Variants in TMEM116 observed in about 807,000 individuals in gnomAD.
TMEM116 encodes transmembrane protein 116.
Under a neutral mutation model 44.3 loss-of-function variants are expected in TMEM116, and 38 were observed. That is an observed-to-expected ratio of 0.86 (90% CI 0.66 to 1.12). The LOEUF is 1.12. Ranked by LOEUF, TMEM116 falls within the 50% of genes most tolerant of loss-of-function variation. The pLI is 0.00. For missense variants in TMEM116, 354 were observed against 401.7 expected (o/e 0.88, Z 1.01); for synonymous variants, 132 against 144.8 (o/e 0.91, Z 0.64).
chr12:111,940,488 C>CAA, intron 5 of TMEM116, among the ~76,000 whole-genome samples: 1 of 124,396 alleles, frequency 8.0e-6, no homozygotes, highest in African/African-American at 3.2e-5. Context: ...CATACACACA[C>CAA]ACACACACAC....
chr12:112,003,567 C>CAA (rs374296039), intron 3 of TMEM116: 736 of 276,326 alleles, frequency 2.7e-3, no homozygotes, highest in Middle Eastern at 4.4e-3. Flanking sequence ...GACTCCGTCT[C>CAA]AAAAAAAAAA....
intron 4 of TMEM116, among the ~76,000 whole-genome samples, chr12:111,980,879 G>T (rs2075899076): frequency 6.6e-6 from 1 of 152,052 alleles, no homozygotes; most frequent in South Asian, 2.1e-4. Flanking sequence ...TTCGAGACCA[G>T]CCTGGGCAAC....
chr12:111,988,248 T>C (rs2076334644), intron 4 of TMEM116, among the ~76,000 whole-genome samples: 1 of 152,328 alleles, frequency 6.6e-6, no homozygotes, highest in Admixed American at 6.5e-5. Flanking sequence ...GGACTGTGGT[T>C]ATAGTTGTAT....
intron 3 of TMEM116, among the ~76,000 whole-genome samples, chr12:111,994,580 G>A (rs1399532948): frequency 6.6e-6 from 1 of 152,142 alleles, no homozygotes; most frequent in African/African-American, 2.4e-5. Flanking sequence ...GATCACATGG[G>A]GATGAAGTAA....
chr12:111,951,827 A>G (rs1355045771), intron 4 of TMEM116, among the ~76,000 whole-genome samples: 1 of 152,180 alleles, frequency 6.6e-6, no homozygotes, highest in African/African-American at 2.4e-5. Flanking sequence ...AGAGTTAAAA[A>G]AAAAGGAAAA....
chr12:112,003,801 T>C lies in TMEM116; in HGVS notation c.77A>G (p.Glu26Gly). The C allele has an allele frequency of 6.6e-7, 1 of 1,512,632 alleles. No individual in the cohort carries two copies. The highest frequency in any genetic ancestry group is 8.8e-7 in the Non-Finnish European group (1 of 1,140,050). The allele number at this position is 1,512,632 out of a possible 1,614,324, so 93.7% of individuals were successfully genotyped here. A position where few individuals can be genotyped will look rare whatever the true frequency, so the allele number is the denominator to read the frequency against. Residue 26 changes from glutamate to glycine, a missense_variant and splice_region_variant, in exon 3 of 11, where the codon GAG becomes GGG. Glu to Gly is a moderately conservative substitution (Grantham distance 98, BLOSUM62 -2). Transcript: ENST00000552374. ...AVFHNIQKSP[E>G]IRPLFYLSFC... The stretch of plus-strand genomic sequence containing the variant: ...CCAACACAAAGAGAAATCACTCACC[T>C]CTGGAGATTTCTGTATATTATGGAA...
chr12:111,971,498 TAAAAA>T (rs79281964), intron 4 of TMEM116, among the ~76,000 whole-genome samples: 1 of 134,194 alleles, frequency 7.5e-6, no homozygotes, highest in African/African-American at 2.7e-5. Context: ...ACCAGTAACT[TAAAAA>T]AAAAAAAACT....
At chr12:111,976,796 T>A (rs924402322) in intron 4 of TMEM116, among the ~76,000 whole-genome samples, 5 of 151,938 alleles carry the variant, frequency 3.3e-5, no homozygotes, top group Non-Finnish European at 7.4e-5. Flanking sequence ...AAAGGAAACA[T>A]TAAACGTCAA....
At chr12:112,004,568 T>C (rs1448651208) in intron 2 of TMEM116, among the ~76,000 whole-genome samples, 2 of 152,182 alleles carry the variant, frequency 1.3e-5, no homozygotes, top group Non-Finnish European at 2.9e-5. Context: ...ATTACAGGCA[T>C]GGGCCACCAT....
rs373058189 is a variant in TMEM116 at position 111,998,828 on chromosome 12, AG to A, written c.78+4971del. ...AAAGCGAGACTCTCAGGAAAGGCAAAGGGGGAAAGGGGGAAAGGAAAGGAAA... is the reference window on the plus strand; with the variant it reads ...AAAGCGAGACTCTCAGGAAAGGCAAAGGGGAAAGGGGGAAAGGAAAGGAAA... On this transcript the variant is annotated intron_variant, in intron 3 of 10. Transcript: ENST00000552374. Among the ~76,000 whole-genome samples the A allele has an allele frequency of 2.1e-3, 313 of 152,216 alleles. 1 individual carries two copies. The highest frequency in any genetic ancestry group is 7.2e-3 in the African/African-American group (299 of 41,548).
chr12:111,988,758 G>C (rs1001957871), intron 4 of TMEM116, among the ~76,000 whole-genome samples: 1 of 151,982 alleles, frequency 6.6e-6, no homozygotes, highest in Non-Finnish European at 1.5e-5. Context: ...TTGGGAGGCC[G>C]AGGTGGGTGG....
At chr12:111,934,738 C>A (rs1232561918) in intron 8 of TMEM116, 14 of 151,322 alleles carry the variant, frequency 9.3e-5, no homozygotes, top group African/African-American at 2.9e-4. Context: ...GCCTGGGCAA[C>A]AGACCGAGAC....
At position 111,958,277 on chromosome 12, in the gene TMEM116, T is replaced by TAAAAAAAAAAA. The variant is rs61637468; in HGVS notation, c.211-14919_211-14909dup. ...ACACCCACGAATGATCAATAAATAC[T>TAAAAAAAAAAA]AAAAAAAAAAAAAAAAAAAAAAAAA... On this transcript the variant is annotated intron_variant, in intron 4 of 10. Coordinates refer to ENST00000552374, the MANE Select transcript of TMEM116 (RefSeq NM_001193531.2). Among the ~76,000 whole-genome samples the TAAAAAAAAAAA allele has an allele frequency of 6.5e-4, 18 of 27,518 alleles. 1 individual carries two copies. Among genetic ancestry groups the TAAAAAAAAAAA allele is most frequent in the Middle Eastern group, 0.023 (1 of 44 alleles). The allele number at this position is 27,518 out of a possible 152,430, so 18.1% of individuals were successfully genotyped here.
rs1321624949 is a variant in TMEM116 at position 111,991,931 on chromosome 12, T to C, written c.79-42A>G. On this transcript the variant is annotated intron_variant, in intron 3 of 10. Transcript: ENST00000552374. ...ATCCTCATTTCATATGTGATGTAGC[T>C]AGGAGAATGTTAACAATGTAACAGT... 3.3e-6 allele frequency: 5 copies of C among 1,515,876 alleles called. No homozygotes were observed. The Admixed American group carries it at 8.1e-5, about 25-fold the overall frequency. The allele number at this position is 1,515,876 out of a possible 1,614,324, so 93.9% of individuals were successfully genotyped here.
chr12:111,945,105 T>TA (rs2073151356), intron 4 of TMEM116, among the ~76,000 whole-genome samples: 1 of 136,176 alleles, frequency 7.3e-6, no homozygotes, highest in South Asian at 2.3e-4. Flanking sequence ...AGCAAGCCTT[T>TA]AAAAAACAGG....
intron 6 of TMEM116, 32 bp from the exon 7 acceptor site, chr12:111,937,275 C>T: frequency 1.3e-6 from 2 of 1,551,804 alleles, no homozygotes; most frequent in Non-Finnish European, 1.8e-6. Context: ...ACCCTAATAT[C>T]CACTCTTTTT....
intron 3 of TMEM116, among the ~76,000 whole-genome samples, chr12:111,998,752 T>C (rs967419870): frequency 1.3e-5 from 2 of 151,922 alleles, no homozygotes; most frequent in African/African-American, 2.4e-5. Context: ...ATCCAGGAGA[T>C]GGAGGTTGCA....
rs756744246 is a variant in TMEM116 at position 111,938,154 on chromosome 12, AT to A, written c.365+6del. ...CACCTCGCTAAGAAGTAAAGAAAAA[AT>A]TTTACCTTGAGAAAACAAAGGCCAT... On this transcript the variant is annotated splice_donor_region_variant and intron_variant, in intron 6 of 10. Coordinates refer to ENST00000552374, the MANE Select transcript of TMEM116 (RefSeq NM_001193531.2). 3.0e-5 allele frequency: 48 copies of A among 1,593,106 alleles called. No individual in the cohort carries two copies. Among genetic ancestry groups the A allele is most frequent in the Non-Finnish European group, 3.8e-5 (45 of 1,169,086 alleles).
intron 4 of TMEM116, among the ~76,000 whole-genome samples, chr12:111,948,093 T>C (rs1333558288): frequency 1.3e-5 from 2 of 152,242 alleles, no homozygotes; most frequent in Non-Finnish European, 2.9e-5. Flanking sequence ...ATCACTCATC[T>C]GGTTTGGGAG....
Sources: gnomAD v4.1 joint callset for allele counts (sites outside exome capture counted in the v4.1 genomes callset) on GRCh38, gnomAD v4.1.1 for gene constraint, MANE v1.5 for transcripts, NCBI Gene and HGNC (gene_info 2026-07-23, HGNC 2026-07-21) for gene names.